The following PM20D2 variants were observed in gnomAD, a reference collection of about 807,000 sequenced individuals.
PM20D2 encodes the protein xaa-Arg dipeptidase.
A neutral mutation model predicts 42.9 loss-of-function variants in PM20D2; 33 were observed. The observed-to-expected ratio is 0.77, with a 90% CI of 0.58 to 1.03. PM20D2 has a LOEUF of 1.03. PM20D2 is among the 50% of genes least tolerant of loss of function. The pLI is 0.00. For missense variants in PM20D2, 548 were observed against 557.0 expected (o/e 0.98, Z 0.16); for synonymous variants, 250 against 228.2 (o/e 1.10, Z -0.86).
chr6:89,105,625 C>A, the PM20D2 span: 1 of 865,492 alleles, frequency 1.2e-6, no homozygotes, highest in South Asian at 2.8e-5. Flanking sequence ...ATAGGAAAAT[C>A]AAGTTCAAGT....
chr6:89,099,033 C>T, the PM20D2 span: 13 of 1,425,446 alleles, frequency 9.1e-6, no homozygotes, highest in South Asian at 6.0e-5. Flanking sequence ...ACATACTTTA[C>T]ATAACATTAG....
chr6:89,143,750 A>G (rs1476257443), upstream of PM20D2, among the ~76,000 whole-genome samples: 1 of 152,242 alleles, frequency 6.6e-6, no homozygotes, highest in East Asian at 1.9e-4. Flanking sequence ...AGCTGACCAG[A>G]TTCTAGAAAG....
the PM20D2 span, among the ~76,000 whole-genome samples, chr6:89,108,234 C>T: frequency 1.3e-5 from 2 of 152,118 alleles, no homozygotes; most frequent in East Asian, 1.9e-4. Context: ...ACTGAAGAGA[C>T]AAAATATTTA....
the PM20D2 span, among the ~76,000 whole-genome samples, chr6:89,115,812 T>C: frequency 4.0e-5 from 6 of 149,436 alleles, no homozygotes; most frequent in East Asian, 8.0e-4. Flanking sequence ...AATTTTTTTA[T>C]TTTTAGTAGA....
At chr6:89,145,916 C>T (rs1259614228), upstream of PM20D2, 1 of 396,426 alleles carries the variant, frequency 2.5e-6, no homozygotes, top group Non-Finnish European at 4.4e-6. Flanking sequence ...CACAGCACCC[C>T]CAAAACCCCA....
chr6:89,148,087 C>G (rs1189088127), intron 1 of PM20D2, among the ~76,000 whole-genome samples: 1 of 149,998 alleles, frequency 6.7e-6, no homozygotes, highest in Non-Finnish European at 1.5e-5. Context: ...TTCAGGCGAT[C>G]CTCGTGCTTC....
At chr6:89,159,289 G>A (rs529499151) in intron 5 of PM20D2, among the ~76,000 whole-genome samples, 5 of 152,180 alleles carry the variant, frequency 3.3e-5, no homozygotes, top group Non-Finnish European at 7.3e-5. Flanking sequence ...GGCAGTCAAC[G>A]AAGTGGTCAG....
intron 4 of PM20D2, among the ~76,000 whole-genome samples, chr6:89,157,524 A>T (rs1229667448): frequency 1.3e-5 from 2 of 152,176 alleles, no homozygotes; most frequent in East Asian, 3.8e-4. Flanking sequence ...CCTCATTGCA[A>T]ATCTTCTACA....
chr6:89,148,212 C>T (rs940450712), intron 1 of PM20D2, among the ~76,000 whole-genome samples: 2 of 151,946 alleles, frequency 1.3e-5, no homozygotes, highest in African/African-American at 4.8e-5. Context: ...CTCCGGATCT[C>T]GGGTGATTCG....
chr6:89,104,663 T>C, the PM20D2 span, among the ~76,000 whole-genome samples: 28 of 152,186 alleles, frequency 1.8e-4, 1 homozygote, highest in Non-Finnish European at 3.7e-4. Context: ...AATAACAATA[T>C]ATGATAAATA....
At chr6:89,119,428 G>T in the PM20D2 span, among the ~76,000 whole-genome samples, 4 of 152,216 alleles carry the variant, frequency 2.6e-5, no homozygotes, top group African/African-American at 9.6e-5. Context: ...AACAGCACGT[G>T]CAAAGGCTTT....
chr6:89,139,681 C>T, the PM20D2 span, among the ~76,000 whole-genome samples: 2 of 152,064 alleles, frequency 1.3e-5, no homozygotes, highest in South Asian at 2.1e-4. Context: ...GCACTCTGGC[C>T]CGCGTGGCAG....
intron 1 of PM20D2, among the ~76,000 whole-genome samples, chr6:89,148,160 G>A (rs1452473963): frequency 6.6e-6 from 1 of 151,536 alleles, no homozygotes; most frequent in East Asian, 2.0e-4. Flanking sequence ...GCATTTTTTA[G>A]TAGAGACAGG....
chr6:89,111,651 A>C, the PM20D2 span, among the ~76,000 whole-genome samples: 10 of 152,140 alleles, frequency 6.6e-5, no homozygotes, highest in South Asian at 2.1e-3. Context: ...GCCTTGTTGC[A>C]CTGGTTAGGA....
In PM20D2 at chr6:89,146,402, C is replaced by G; in HGVS notation, c.258C>G (p.Ala86=). The G allele has an allele frequency of 6.5e-7, 1 of 1,527,666 alleles. No individual in the cohort carries two copies. The highest frequency in any genetic ancestry group is 2.5e-5 in the East Asian group (1 of 40,306). 94.6% of individuals were successfully genotyped at this position (1,527,666 alleles called of 1,614,324 possible). Residue 86 remains alanine (A), a synonymous_variant, in exon 1 of 7, where the codon GCC becomes GCG. Coordinates refer to ENST00000275072, the MANE Select transcript of PM20D2 (RefSeq NM_001010853.3). ...AVQPHYQLPT[A]FRAEWEPPEA... ...AGCCGCACTACCAGCTGCCCACGGC[C>G]TTCCGCGCCGAGTGGGAGCCGCCGG...
At chr6:89,096,463 C>CA in the PM20D2 span, 12 of 152,290 alleles carry the variant, frequency 7.9e-5, no homozygotes, top group African/African-American at 2.9e-4. Context: ...ACTAAATGCT[C>CA]AAAAGAGTTT....
Position 89,160,481 on chromosome 6 carries a change from G to C in PM20D2, c.1049-1302G>C, listed in dbSNP as rs553682299. 3.3e-5 allele frequency among the ~76,000 whole-genome samples: 5 copies of C among 152,290 alleles called. No homozygotes were observed. In the South Asian group the frequency reaches 1.0e-3, roughly 32 times the overall value. On this transcript the variant is annotated intron_variant, in intron 5 of 6. Transcript: ENST00000275072. ...TTCCTTTATTCTCTTACCAATCACTGTGTAGTCTCACTTTGCCTGCATGGT... is the reference window on the plus strand; with the variant it reads ...TTCCTTTATTCTCTTACCAATCACTCTGTAGTCTCACTTTGCCTGCATGGT...
chr6:89,101,337 A>C, the PM20D2 span, among the ~76,000 whole-genome samples: 2 of 152,204 alleles, frequency 1.3e-5, no homozygotes, highest in Non-Finnish European at 2.9e-5. Flanking sequence ...TTAACTCACA[A>C]TTTCAAAAAG....
At chr6:89,128,731 C>T in the PM20D2 span, among the ~76,000 whole-genome samples, 1 of 152,180 alleles carries the variant, frequency 6.6e-6, no homozygotes, top group Non-Finnish European at 1.5e-5. Context: ...TGTGATGCCA[C>T]CCCCGGTGGC....
Sources: allele counts gnomAD v4.1 joint callset (sites outside exome capture counted in the v4.1 genomes callset), GRCh38; gene constraint gnomAD v4.1.1; transcripts MANE v1.5; gene names NCBI Gene and HGNC (gene_info 2026-07-23, HGNC 2026-07-21).